The following NCKAP5 variants were observed in gnomAD, a reference collection of about 807,000 sequenced individuals.
NCKAP5 encodes the protein nck-associated protein 5.
A neutral mutation model predicts 167.0 loss-of-function variants in NCKAP5; 92 were observed. The observed-to-expected ratio is 0.55, with a 90% CI of 0.47 to 0.66. NCKAP5 has a LOEUF of 0.66. Among genes scored for constraint, NCKAP5 ranks in the 30% least tolerant of loss-of-function variants. NCKAP5 has a pLI of 0.00. For synonymous variants in NCKAP5, 891 were observed against 877.4 expected (o/e 1.02, Z -0.27); for missense variants, 2,378 against 2,315.0 (o/e 1.03, Z -0.56).
chr2:133,596,618 G>A, the NCKAP5 span, among the ~76,000 whole-genome samples: 2 of 152,182 alleles, frequency 1.3e-5, no homozygotes, highest in African/African-American at 4.8e-5. Context: ...ATGAATGAGC[G>A]AACAGAATGT....
intron 11 of NCKAP5, among the ~76,000 whole-genome samples, chr2:132,855,952 C>T (rs2105511278): frequency 6.6e-6 from 1 of 152,276 alleles, no homozygotes; most frequent in Non-Finnish European, 1.5e-5. Context: ...ATCACAAGGT[C>T]AGGAGATCAA....
intron 4 of NCKAP5, among the ~76,000 whole-genome samples, chr2:133,260,759 A>G (rs1056110446): frequency 1.3e-5 from 2 of 152,210 alleles, no homozygotes; most frequent in African/African-American, 4.8e-5. Context: ...AGGAAAAACA[A>G]AAGTAGAACA....
chr2:133,167,343 TC>T (rs1253307822), intron 5 of NCKAP5, among the ~76,000 whole-genome samples: 2 of 152,162 alleles, frequency 1.3e-5, no homozygotes, highest in African/African-American at 4.8e-5. Flanking sequence ...GTAAATAATA[TC>T]CTTGCCATCA....
intron 11 of NCKAP5, among the ~76,000 whole-genome samples, chr2:132,843,146 G>GAT (rs1297181718): frequency 6.6e-6 from 1 of 152,106 alleles, no homozygotes; most frequent in Admixed American, 6.5e-5. Flanking sequence ...ATGTTTCACA[G>GAT]ATATATAAGT....
chr2:133,644,841 A>T, the NCKAP5 span, among the ~76,000 whole-genome samples: 1 of 152,222 alleles, frequency 6.6e-6, no homozygotes, highest in African/African-American at 2.4e-5. Context: ...CATTTGTTAT[A>T]TGACTAGGAC....
At chr2:133,512,521 T>C (rs1683583272) in intron 3 of NCKAP5, among the ~76,000 whole-genome samples, 2 of 152,236 alleles carry the variant, frequency 1.3e-5, no homozygotes, top group Admixed American at 1.3e-4. Context: ...GAGGCAGCTC[T>C]CTTCCTACAA....
intron 3 of NCKAP5, among the ~76,000 whole-genome samples, chr2:133,389,966 C>T (rs1258424589): frequency 6.6e-6 from 1 of 152,310 alleles, no homozygotes; most frequent in South Asian, 2.1e-4. Context: ...TTGATTAGAA[C>T]AGCCATCTCT....
chr2:132,776,874 A>T (rs574910151), intron 15 of NCKAP5, among the ~76,000 whole-genome samples: 2 of 152,134 alleles, frequency 1.3e-5, no homozygotes, highest in Non-Finnish European at 2.9e-5. Context: ...GAGGGCTGCC[A>T]GGTCAAGCAT....
chr2:133,165,080 G>A (rs2083944668), intron 5 of NCKAP5, among the ~76,000 whole-genome samples: 1 of 121,926 alleles, frequency 8.2e-6, no homozygotes, highest in South Asian at 2.6e-4. Flanking sequence ...TCACAGCTGG[G>A]GATGGGAGGA....
chr2:132,979,972 TTTTTTCTTTTTC>T (rs777799671), intron 7 of NCKAP5, among the ~76,000 whole-genome samples: 29 of 151,362 alleles, frequency 1.9e-4, no homozygotes, highest in Non-Finnish European at 3.7e-4. Context: ...CAATGATTTT[TTTTTTCTTTTTC>T]TTTTTCTTTT....
chr2:132,875,737 T>G (rs892024668), intron 9 of NCKAP5, among the ~76,000 whole-genome samples: 3 of 152,230 alleles, frequency 2.0e-5, no homozygotes, highest in Non-Finnish European at 4.4e-5. Flanking sequence ...GAAACCTGAT[T>G]CTAACATGCA....
intron 8 of NCKAP5, among the ~76,000 whole-genome samples, chr2:132,955,862 A>T (rs1349119252): frequency 6.6e-6 from 1 of 152,180 alleles, no homozygotes; most frequent in Non-Finnish European, 1.5e-5. Flanking sequence ...AACTGGCTTG[A>T]ATTGACATCT....
intron 8 of NCKAP5, among the ~76,000 whole-genome samples, chr2:132,939,081 G>A (rs1472050239): frequency 6.6e-6 from 1 of 152,034 alleles, no homozygotes; most frequent in African/African-American, 2.4e-5. Flanking sequence ...AAAGTACAAG[G>A]GAATAATTTT....
chr2:133,105,016 A>C (rs2149693883), intron 6 of NCKAP5, among the ~76,000 whole-genome samples: 1 of 152,352 alleles, frequency 6.6e-6, no homozygotes, highest in South Asian at 2.1e-4. Context: ...AATAAGTAGC[A>C]GGCCTCCTCC....
intron 19 of NCKAP5, among the ~76,000 whole-genome samples, chr2:132,718,009 G>T (rs1240279943): frequency 2.0e-5 from 3 of 152,160 alleles, no homozygotes; most frequent in African/African-American, 7.2e-5. Flanking sequence ...TAGGAATTCT[G>T]GTTCCTTACT....
At chr2:132,675,285 G>A (rs188660618) in intron 19 of NCKAP5, among the ~76,000 whole-genome samples, 8 of 152,310 alleles carry the variant, frequency 5.3e-5, no homozygotes, top group Admixed American at 4.6e-4. Context: ...GCCCTTTCAC[G>A]GGCTGAGTGC....
At chr2:132,762,704 A>T (rs1047312149) in intron 16 of NCKAP5, among the ~76,000 whole-genome samples, 1 of 152,096 alleles carries the variant, frequency 6.6e-6, no homozygotes, top group Non-Finnish European at 1.5e-5. Flanking sequence ...TTAAACATCA[A>T]ATCCTTCCTT....
At chr2:132,835,632 C>T (rs1687839094) in intron 11 of NCKAP5, among the ~76,000 whole-genome samples, 1 of 150,848 alleles carries the variant, frequency 6.6e-6, no homozygotes, top group Non-Finnish European at 1.5e-5. Flanking sequence ...TTTTCACTTT[C>T]CTGCCTTTAA....
chr2:133,399,198 C>A (rs1019247330), intron 3 of NCKAP5, among the ~76,000 whole-genome samples: 1 of 152,020 alleles, frequency 6.6e-6, no homozygotes, highest in African/African-American at 2.4e-5. Flanking sequence ...AGCTATGTAA[C>A]AAAAGCTATA....
Sources: gnomAD v4.1 joint callset for allele counts (sites outside exome capture counted in the v4.1 genomes callset) on GRCh38, gnomAD v4.1.1 for gene constraint, MANE v1.5 for transcripts, NCBI Gene and HGNC (gene_info 2026-07-23, HGNC 2026-07-21) for gene names.